The following SORCS3 variants were observed in gnomAD, a reference collection of about 807,000 sequenced individuals.
SORCS3 encodes sortilin related VPS10 domain containing receptor 3.
Under a neutral mutation model 146.3 loss-of-function variants are expected in SORCS3, and 57 were observed. The observed-to-expected ratio is 0.39, with a 90% CI of 0.31 to 0.49. SORCS3 has a LOEUF of 0.49. Among genes scored for constraint, SORCS3 ranks in the 20% least tolerant of loss-of-function variants. SORCS3 has a pLI of 0.92. For missense variants in SORCS3, 1,341 were observed against 1,575.5 expected (o/e 0.85, Z 2.52); for synonymous variants, 653 against 618.5 (o/e 1.06, Z -0.83).
intron 6 of SORCS3, among the ~76,000 whole-genome samples, chr10:105,101,769 G>A (rs1406808019): frequency 6.6e-6 from 1 of 152,184 alleles, no homozygotes; most frequent in Non-Finnish European, 1.5e-5. Context: ...ATAAGAAGGT[G>A]TCCCCCTGTG....
At chr10:105,225,994 C>G (rs1347079845) in intron 20 of SORCS3, among the ~76,000 whole-genome samples, 1 of 151,818 alleles carries the variant, frequency 6.6e-6, no homozygotes, top group Non-Finnish European at 1.5e-5. Context: ...AAATATACAT[C>G]AGCAACAGGG....
rs148863737 is a variant in SORCS3 at position 105,244,807 on chromosome 10, G to A, written c.2869-735G>A. On this transcript the variant is annotated intron_variant, in intron 20 of 26. Coordinates refer to ENST00000369701, the MANE Select transcript of SORCS3 (RefSeq NM_014978.3). ...TGTGCGGCCGGGCGCAGTGGTTCAC[G>A]CCTGTAATCCTAGCACTTTGGGAGA... 6.0e-3 allele frequency among the ~76,000 whole-genome samples: 909 copies of A among 152,142 alleles called. 7 individuals are homozygous for A. The highest frequency in any genetic ancestry group is 0.021 in the African/African-American group (858 of 41,500).
chr10:104,977,739 T>C, intron 4 of SORCS3, among the ~76,000 whole-genome samples: 2 of 148,516 alleles, frequency 1.3e-5, no homozygotes, highest in African/African-American at 4.9e-5. Flanking sequence ...TCTTTTTTTT[T>C]TTTTTTTTTT....
chr10:104,943,325 C>T (rs1589559771), intron 3 of SORCS3, among the ~76,000 whole-genome samples: 1 of 151,960 alleles, frequency 6.6e-6, no homozygotes, highest in Admixed American at 6.6e-5. Flanking sequence ...AGACGGGGTT[C>T]CACCATGTTG....
intron 3 of SORCS3, among the ~76,000 whole-genome samples, chr10:104,933,887 C>T (rs187844223): frequency 1.2e-4 from 18 of 152,224 alleles, no homozygotes; most frequent in Non-Finnish European, 1.0e-4. Flanking sequence ...CTCCACAACC[C>T]GGGTTCAAGA....
chr10:105,045,038 A>AAAAGAAAG, intron 5 of SORCS3, among the ~76,000 whole-genome samples: 1 of 116,580 alleles, frequency 8.6e-6, no homozygotes, highest in East Asian at 2.4e-4. Flanking sequence ...AAAAAAAAAA[A>AAAAGAAAG]AAAGAAAGAA....
intron 1 of SORCS3, among the ~76,000 whole-genome samples, chr10:104,809,376 C>T (rs1473467578): frequency 6.6e-6 from 1 of 152,178 alleles, no homozygotes; most frequent in African/African-American, 2.4e-5. Context: ...GCTAGGGAAG[C>T]CAGACATGTG....
chr10:104,985,863 A>C (rs2054959182), intron 4 of SORCS3, among the ~76,000 whole-genome samples: 1 of 150,278 alleles, frequency 6.7e-6, no homozygotes, highest in Non-Finnish European at 1.5e-5. Context: ...TCAGTAAACT[A>C]TACTTAAACA....
At chr10:104,774,327 C>G (rs2017284230) in intron 1 of SORCS3, among the ~76,000 whole-genome samples, 1 of 152,138 alleles carries the variant, frequency 6.6e-6, no homozygotes, top group Non-Finnish European at 1.5e-5. Flanking sequence ...CATGACTCAA[C>G]TTTGCAAGGC....
At position 105,150,910 on chromosome 10, in the gene SORCS3, G is replaced by C. The variant is rs552630198; in HGVS notation, c.1482+3114G>C. Among the ~76,000 whole-genome samples, 5 of 152,172 alleles carry C rather than the reference G, an allele frequency of 3.3e-5. No individual in the cohort carries two copies. In the East Asian group the frequency reaches 9.6e-4, roughly 29 times the overall value. ...GTACCATACGGCCAGTTAGCAAAGA[G>C]ACTACAACTTTTCTGGACTCCAAGT... is the stretch of plus-strand genomic sequence containing the variant. On this transcript the variant is annotated intron_variant, in intron 9 of 26. Transcript: ENST00000369701.
At chr10:105,097,054 G>A (rs2055751377) in intron 6 of SORCS3, among the ~76,000 whole-genome samples, 1 of 152,148 alleles carries the variant, frequency 6.6e-6, no homozygotes, top group South Asian at 2.1e-4. Flanking sequence ...GACTGAAGGA[G>A]CCCCAGAGAA....
Position 105,178,182 on chromosome 10 carries a change from T to C in SORCS3, c.2009+9T>C. On this transcript the variant is annotated intron_variant, in intron 14 of 26. Coordinates refer to ENST00000369701, the MANE Select transcript of SORCS3 (RefSeq NM_014978.3). Reference sequence around the variant, plus strand: ...GAGACCCACATCATGACGTGAGTACTTCTTTTGCTGTGACAGGAAGAAGAC... The same window carrying C: ...GAGACCCACATCATGACGTGAGTACCTCTTTTGCTGTGACAGGAAGAAGAC... 1 of 1,597,116 alleles carries C rather than the reference T, an allele frequency of 6.3e-7. No homozygotes were observed. Among genetic ancestry groups the C allele is most frequent in the Non-Finnish European group, 8.6e-7 (1 of 1,167,620 alleles).
rs188976184 is a variant in SORCS3 at position 104,993,522 on chromosome 10, C to T, written c.954+16029C>T. Among the ~76,000 whole-genome samples the T allele has an allele frequency of 4.9e-3, 742 of 152,230 alleles. 13 individuals are homozygous for T. Among genetic ancestry groups the T allele is most frequent in the Non-Finnish European group, 5.4e-3 (370 of 68,010 alleles). On this transcript the variant is annotated intron_variant, in intron 4 of 26. Coordinates refer to ENST00000369701, the MANE Select transcript of SORCS3 (RefSeq NM_014978.3). ...GGAATGAATGAGGGGAAAAAAGATA[C>T]GTTAGCTTTTATTTCTTCAAATATG...
chr10:105,175,214 ATT>A (rs71482448), intron 13 of SORCS3, among the ~76,000 whole-genome samples: 29 of 134,598 alleles, frequency 2.2e-4, no homozygotes, highest in Middle Eastern at 4.1e-3. Context: ...TGCTTGGCTA[ATT>A]TTTTTTTTTT....
chr10:104,839,727 G>T (rs2018115538), intron 1 of SORCS3, among the ~76,000 whole-genome samples: 1 of 152,188 alleles, frequency 6.6e-6, no homozygotes, highest in Non-Finnish European at 1.5e-5. Context: ...AGTGTGGAAG[G>T]ATATGTGAGT....
chr10:105,004,366 C>T (rs900959853), intron 4 of SORCS3, among the ~76,000 whole-genome samples: 1 of 152,122 alleles, frequency 6.6e-6, no homozygotes, highest in Admixed American at 6.5e-5. Flanking sequence ...TGGCAAGGCA[C>T]CCAGGAACTA....
At chr10:104,770,319 G>C (rs897286172) in intron 1 of SORCS3, among the ~76,000 whole-genome samples, 2 of 152,128 alleles carry the variant, frequency 1.3e-5, no homozygotes, top group Non-Finnish European at 2.9e-5. Context: ...GATTATCTCA[G>C]TGTTTCCAGA....
At chr10:104,998,146 A>G (rs1189633771) in intron 4 of SORCS3, among the ~76,000 whole-genome samples, 1 of 152,194 alleles carries the variant, frequency 6.6e-6, no homozygotes, top group East Asian at 1.9e-4. Flanking sequence ...TGGAAATCTC[A>G]TAGTTTATTC....
chr10:105,044,779 T>C (rs182994208), intron 5 of SORCS3, among the ~76,000 whole-genome samples: 1 of 152,084 alleles, frequency 6.6e-6, no homozygotes, highest in African/African-American at 2.4e-5. Context: ...AGTATTGCTC[T>C]TGACTCAACA....
Sources: allele counts gnomAD v4.1 joint callset (sites outside exome capture counted in the v4.1 genomes callset), GRCh38; gene constraint gnomAD v4.1.1; transcripts MANE v1.5; gene names NCBI Gene and HGNC (gene_info 2026-07-23, HGNC 2026-07-21).